Variants in ZBTB20 observed in about 807,000 individuals in gnomAD.
ZBTB20 encodes zinc finger and BTB domain containing 20, also known as zinc finger and BTB domain-containing protein 20.
Under a neutral mutation model 56.9 loss-of-function variants are expected in ZBTB20, and 9 were observed. That is an observed-to-expected ratio of 0.16 (90% CI 0.10 to 0.28). ZBTB20 has a LOEUF of 0.28. ZBTB20 is among the 10% of genes least tolerant of loss of function. ZBTB20 has a pLI of 1.00. For missense variants in ZBTB20, 655 were observed against 1,003.0 expected, an observed-to-expected ratio of 0.65 and a Z score of 4.69; for synonymous variants, 417 against 420.7, an observed-to-expected ratio of 0.99 and a Z score of 0.11.
chr3:115,145,864 C>T (rs11928879), intron 1 of ZBTB20, among the ~76,000 whole-genome samples: 16,526 of 152,180 alleles, frequency 0.11, 2,086 homozygotes, highest in African/African-American at 0.31. Flanking sequence ...TTAAAACTTT[C>T]AATGGCAACA....
intron 6 of ZBTB20, among the ~76,000 whole-genome samples, chr3:114,553,073 G>GA (rs1455035766): frequency 6.6e-6 from 1 of 152,112 alleles, no homozygotes; most frequent in Non-Finnish European, 1.5e-5. Context: ...GTTTTGCCAA[G>GA]AAAGCAACTG....
At chr3:115,009,610 G>A (rs1352213233) in intron 2 of ZBTB20, among the ~76,000 whole-genome samples, 1 of 151,954 alleles carries the variant, frequency 6.6e-6, no homozygotes, top group Non-Finnish European at 1.5e-5. Flanking sequence ...CAAAGTTCAT[G>A]TGTTGGAAAC....
At chr3:114,760,761 T>G (rs1164053516) in intron 5 of ZBTB20, among the ~76,000 whole-genome samples, 1 of 152,194 alleles carries the variant, frequency 6.6e-6, no homozygotes, top group Non-Finnish European at 1.5e-5. Context: ...ACATGAAACA[T>G]GCTTGACACA....
chr3:114,464,277 CAT>C (rs2092450692), intron 7 of ZBTB20, among the ~76,000 whole-genome samples: 1 of 152,114 alleles, frequency 6.6e-6, no homozygotes, highest in Non-Finnish European at 1.5e-5. Flanking sequence ...TTTAAAAAAA[CAT>C]ATACATTGGG....
At chr3:115,031,918 G>A (rs927256656) in intron 2 of ZBTB20, among the ~76,000 whole-genome samples, 3 of 151,332 alleles carry the variant, frequency 2.0e-5, no homozygotes, top group Non-Finnish European at 3.0e-5. Flanking sequence ...ACAAAAATTG[G>A]GGCATGCTAT....
chr3:114,577,744 C>A (rs2054236655), intron 6 of ZBTB20, among the ~76,000 whole-genome samples: 1 of 152,154 alleles, frequency 6.6e-6, no homozygotes, highest in Non-Finnish European at 1.5e-5. Flanking sequence ...TTATATAGGG[C>A]TGCAGGACCT....
chr3:114,531,771 A>G (rs1177138910), intron 6 of ZBTB20, among the ~76,000 whole-genome samples: 1 of 152,208 alleles, frequency 6.6e-6, no homozygotes, highest in Non-Finnish European at 1.5e-5. Flanking sequence ...TGATTTCTGC[A>G]TTTCCAACAG....
At chr3:114,792,960 C>T (rs1469966539) in intron 5 of ZBTB20, among the ~76,000 whole-genome samples, 2 of 150,842 alleles carry the variant, frequency 1.3e-5, no homozygotes, top group Admixed American at 6.6e-5. Flanking sequence ...ACTGCAACCT[C>T]CGCCTCCTGG....
At chr3:114,964,983 T>C (rs1018343706) in intron 3 of ZBTB20, among the ~76,000 whole-genome samples, 7 of 152,148 alleles carry the variant, frequency 4.6e-5, no homozygotes, top group Non-Finnish European at 1.0e-4. Context: ...ATTTGTGCCA[T>C]GTGGAAAAAA....
At chr3:114,525,929 G>A (rs984031711) in intron 6 of ZBTB20, among the ~76,000 whole-genome samples, 13 of 152,164 alleles carry the variant, frequency 8.5e-5, no homozygotes, top group African/African-American at 3.1e-4. Flanking sequence ...CTCTTGCACT[G>A]CAATTCCCAC....
chr3:115,092,406 A>G (rs919746764), intron 1 of ZBTB20, among the ~76,000 whole-genome samples: 3 of 152,168 alleles, frequency 2.0e-5, no homozygotes, highest in African/African-American at 7.2e-5. Context: ...TGTGACAACT[A>G]ACACCACAGT....
At chr3:114,727,032 C>T (rs1196193528) in intron 5 of ZBTB20, among the ~76,000 whole-genome samples, 1 of 150,938 alleles carries the variant, frequency 6.6e-6, no homozygotes, top group African/African-American at 2.4e-5. Context: ...AATGGAATAG[C>T]CCTCTTTATT....
At chr3:114,837,534 G>A (rs1317843593) in intron 4 of ZBTB20, among the ~76,000 whole-genome samples, 1 of 152,142 alleles carries the variant, frequency 6.6e-6, no homozygotes, top group South Asian at 2.1e-4. Context: ...CGACTGAAGA[G>A]GAGGAGACTT....
intron 10 of ZBTB20, among the ~76,000 whole-genome samples, chr3:114,372,887 T>C (rs544690616): frequency 6.6e-6 from 1 of 152,258 alleles, no homozygotes; most frequent in South Asian, 2.1e-4. Context: ...TGTGATTTAC[T>C]GATCAAAATC....
intron 5 of ZBTB20, among the ~76,000 whole-genome samples, chr3:114,762,832 A>G (rs1429274672): frequency 6.6e-6 from 1 of 152,178 alleles, no homozygotes; most frequent in Non-Finnish European, 1.5e-5. Flanking sequence ...GATTGGTTAC[A>G]ACTTAGTAAA....
chr3:114,361,951 G>C (rs555248366), intron 10 of ZBTB20, among the ~76,000 whole-genome samples: 2 of 152,156 alleles, frequency 1.3e-5, no homozygotes, highest in Non-Finnish European at 2.9e-5. Context: ...TCAGAAGGAC[G>C]AGGCTCAATG....
At chr3:114,982,951 ATCTATC>A (rs1262882961) in intron 2 of ZBTB20, among the ~76,000 whole-genome samples, 2 of 151,952 alleles carry the variant, frequency 1.3e-5, no homozygotes, top group Non-Finnish European at 2.9e-5. Context: ...CTTTGCCTCT[ATCTATC>A]TCTATATCAT....
intron 4 of ZBTB20, among the ~76,000 whole-genome samples, chr3:114,831,548 A>G (rs889168381): frequency 2.6e-5 from 4 of 152,038 alleles, no homozygotes; most frequent in Non-Finnish European, 4.4e-5. Flanking sequence ...AGCAATATTC[A>G]TATAGCGCTT....
At chr3:114,405,422 A>C (rs1576616102) in intron 7 of ZBTB20, among the ~76,000 whole-genome samples, 1 of 152,294 alleles carries the variant, frequency 6.6e-6, no homozygotes, top group Non-Finnish European at 1.5e-5. Context: ...GATCCCTCTC[A>C]GTCTGACGGT....
Sources: allele counts gnomAD v4.1 joint callset (sites outside exome capture counted in the v4.1 genomes callset), GRCh38; gene constraint gnomAD v4.1.1; transcripts MANE v1.5; gene names NCBI Gene and HGNC (gene_info 2026-07-23, HGNC 2026-07-21).